Variants in DNAH5 observed in about 807,000 individuals in gnomAD.
The protein encoded by DNAH5 is dynein axonemal heavy chain 5.
In DNAH5, 372 loss-of-function variants were observed where a neutral mutation model predicts 518.2. That is an observed-to-expected ratio of 0.72 (90% CI 0.66 to 0.78). DNAH5 has a LOEUF of 0.78. Ranked by LOEUF, DNAH5 falls within the 30% of genes least tolerant of loss-of-function variation. The pLI is 0.00. For missense variants in DNAH5, 5,523 were observed against 5,687.0 expected (o/e 0.97, Z 0.93); for synonymous variants, 2,039 against 2,025.9 (o/e 1.01, Z -0.17).
intron 47 of DNAH5, among the ~76,000 whole-genome samples, chr5:13,800,351 T>C (rs1447350150): frequency 3.3e-5 from 5 of 152,146 alleles, no homozygotes; most frequent in African/African-American, 4.8e-5. Flanking sequence ...GGAGGTTCCA[T>C]AACATCACAA....
intron 52 of DNAH5, 48 bp downstream of exon 52, chr5:13,786,131 C>G: frequency 1.3e-6 from 2 of 1,598,374 alleles, no homozygotes; most frequent in Non-Finnish European, 1.7e-6. Context: ...GGTGTGAAGC[C>G]AAATGTCTGT....
intron 60 of DNAH5, among the ~76,000 whole-genome samples, chr5:13,762,261 A>G (rs997122102): frequency 6.6e-6 from 1 of 152,194 alleles, no homozygotes; most frequent in Non-Finnish European, 1.5e-5. Flanking sequence ...CAAAACAAAA[A>G]TGGAAAAGGG....
chr5:13,754,096 T>A, intron 62 of DNAH5, 107 bp downstream of exon 62: 1 of 1,314,096 alleles, frequency 7.6e-7, no homozygotes, highest in Admixed American at 1.7e-5. Context: ...GTTACATATG[T>A]ATACATGCGC....
chr5:13,699,512 G>A (rs780641100), intron 78 of DNAH5, among the ~76,000 whole-genome samples: 1 of 152,152 alleles, frequency 6.6e-6, no homozygotes, highest in Non-Finnish European at 1.5e-5. Context: ...TCAGGAGTTC[G>A]AGACCAGCCT....
intron 43 of DNAH5, among the ~76,000 whole-genome samples, chr5:13,812,290 G>C (rs1014841740): frequency 2.0e-5 from 3 of 152,088 alleles, no homozygotes; most frequent in African/African-American, 7.2e-5. Flanking sequence ...GATGAACAAA[G>C]GAAATCCATA....
chr5:13,971,110 C>T (rs1781833891), intron 1 of DNAH5, among the ~76,000 whole-genome samples: 1 of 152,124 alleles, frequency 6.6e-6, no homozygotes, highest in Non-Finnish European at 1.5e-5. Flanking sequence ...ATTCCTCTAA[C>T]TGTGTCCTTC....
intron 1 of DNAH5, among the ~76,000 whole-genome samples, chr5:13,972,438 C>A (rs1389568984): frequency 6.6e-6 from 1 of 150,976 alleles, no homozygotes; most frequent in Non-Finnish European, 1.5e-5. Flanking sequence ...ATTCCACTGG[C>A]AGCTCTCTCC....
At chr5:13,976,700 T>TAC (rs1338460406) in intron 1 of DNAH5, among the ~76,000 whole-genome samples, 3 of 124,366 alleles carry the variant, frequency 2.4e-5, no homozygotes, top group African/African-American at 5.8e-5. Flanking sequence ...TATATATATA[T>TAC]ATATATATAT....
intron 46 of DNAH5, 82 bp downstream of exon 46, chr5:13,808,962 T>A: frequency 6.5e-7 from 1 of 1,544,546 alleles, no homozygotes; most frequent in South Asian, 1.1e-5. Context: ...TCCGTCTCAG[T>A]AAATAACTAA....
At chr5:13,946,012 G>A (rs1779882498), upstream of DNAH5, among the ~76,000 whole-genome samples, 1 of 152,184 alleles carries the variant, frequency 6.6e-6, no homozygotes, top group African/African-American at 2.4e-5. Context: ...CCTTCTCTGT[G>A]TGGTGCTGAA....
chr5:13,780,269 T>G (rs1241946957), intron 53 of DNAH5, among the ~76,000 whole-genome samples: 1 of 152,214 alleles, frequency 6.6e-6, no homozygotes, highest in Non-Finnish European at 1.5e-5. Context: ...GGATTTGGTC[T>G]GCATGTATTT....
At chr5:13,874,544 G>A (rs114454381) in intron 22 of DNAH5, among the ~76,000 whole-genome samples, 111 of 151,862 alleles carry the variant, frequency 7.3e-4, no homozygotes, top group African/African-American at 2.6e-3. Flanking sequence ...TCGAGACAAA[G>A]TCCCGCTCTG....
At chr5:13,826,547 T>A (rs1052637224) in intron 38 of DNAH5, among the ~76,000 whole-genome samples, 1 of 152,172 alleles carries the variant, frequency 6.6e-6, no homozygotes. Flanking sequence ...CTTTTCCCCC[T>A]CTTCACTCAG....
chr5:13,711,977 TACC>T (rs778034247), intron 75 of DNAH5, among the ~76,000 whole-genome samples: 7 of 152,108 alleles, frequency 4.6e-5, no homozygotes, highest in Non-Finnish European at 1.0e-4. Flanking sequence ...CCTATCAAAA[TACC>T]ACCATCATTC....
rs765335691 is a variant in DNAH5, at chr5:13,768,993, T to C, written c.9864A>G (p.Lys3288=). The C allele has an allele frequency of 6.2e-7, 1 of 1,614,198 alleles. No homozygotes were observed. Among genetic ancestry groups the C allele is most frequent in the Non-Finnish European group, 8.5e-7 (1 of 1,180,006 alleles). The part of the protein sequence containing the change: ...AIAEEKLEAA[K]PALEEAEAAL... The stretch of plus-strand genomic sequence containing the variant: ...CAGCTTCTGCCTCTTCTAAAGCTGG[T>C]TTTGCTGCTTCCAGTTTTTCTTCAG... Residue 3288 remains lysine, a synonymous_variant, in exon 58 of 79, where the codon AAA becomes AAG. Transcript: ENST00000265104.
intron 41 of DNAH5, among the ~76,000 whole-genome samples, chr5:13,819,067 T>C (rs1761876123): frequency 6.6e-6 from 1 of 152,254 alleles, no homozygotes; most frequent in Non-Finnish European, 1.5e-5. Context: ...ATAATGTATC[T>C]ATATTGTTTA....
At chr5:13,982,304 C>T (rs112724090) in intron 1 of DNAH5, among the ~76,000 whole-genome samples, 7 of 152,406 alleles carry the variant, frequency 4.6e-5, no homozygotes, top group African/African-American at 1.7e-4. Flanking sequence ...CCTCATCCTA[C>T]CCCATTGCTC....
intron 31 of DNAH5, among the ~76,000 whole-genome samples, chr5:13,850,311 T>C (rs1209360083): frequency 6.6e-6 from 1 of 152,150 alleles, no homozygotes; most frequent in Non-Finnish European, 1.5e-5. Flanking sequence ...TTTCATATAA[T>C]GAGTATAATA....
chr5:13,855,803 A>C (rs1767550440), intron 30 of DNAH5, among the ~76,000 whole-genome samples: 1 of 152,216 alleles, frequency 6.6e-6, no homozygotes, highest in East Asian at 1.9e-4. Flanking sequence ...AGTCTCTCAG[A>C]CCACAGTGCA....
Sources: gnomAD v4.1 joint callset for allele counts (sites outside exome capture counted in the v4.1 genomes callset) on GRCh38, gnomAD v4.1.1 for gene constraint, MANE v1.5 for transcripts, NCBI Gene and HGNC (gene_info 2026-07-23, HGNC 2026-07-21) for gene names.